IKBKB: variants seen among roughly 807,000 people sequenced by gnomAD.
IKBKB encodes the protein inhibitor of nuclear factor kappa B kinase subunit beta.
Under a neutral mutation model 113.6 loss-of-function variants are expected in IKBKB, and 42 were observed. The ratio of observed to expected loss-of-function variants is 0.37; its 90% CI spans 0.29 to 0.48. IKBKB has a LOEUF of 0.48. Among genes scored for constraint, IKBKB ranks in the 20% least tolerant of loss-of-function variants. The pLI is 0.99. For synonymous variants in IKBKB, 296 were observed against 361.3 expected, an observed-to-expected ratio of 0.82 and a Z score of 2.05; for missense variants, 673 against 939.7, an observed-to-expected ratio of 0.72 and a Z score of 3.71.
At position 42,331,090 on chromosome 8, in the gene IKBKB, G is replaced by A. The variant is rs903005550; in HGVS notation, c.*111G>A. The stretch of plus-strand genomic sequence containing the variant: ...CCTGGAGCAGGCCGCGTGACGTGGG[G>A]CTGCCTGGCCGCGGCTCTCACATGG... On this transcript the variant is annotated 3_prime_UTR_variant, in exon 22 of 22. Coordinates refer to ENST00000520810, the MANE Select transcript of IKBKB (RefSeq NM_001556.3). The A allele has an allele frequency of 6.5e-6, 10 of 1,536,158 alleles. No homozygotes were observed. The Admixed American group carries it at 7.2e-5, about 11-fold the overall frequency.
At chr8:42,296,383 G>C (rs1655383321) in intron 5 of IKBKB, among the ~76,000 whole-genome samples, 1 of 152,204 alleles carries the variant, frequency 6.6e-6, no homozygotes, top group Admixed American at 6.5e-5. Flanking sequence ...TATAATCCCA[G>C]CACTTTGGGA....
intron 2 of IKBKB, among the ~76,000 whole-genome samples, chr8:42,284,718 G>A (rs1331775621): frequency 6.6e-6 from 1 of 152,116 alleles, no homozygotes; most frequent in East Asian, 1.9e-4. Flanking sequence ...CCACAGAACT[G>A]GGCAAAAATG....
At chr8:42,310,802 C>T (rs1013265106) in intron 8 of IKBKB, among the ~76,000 whole-genome samples, 1 of 152,184 alleles carries the variant, frequency 6.6e-6, no homozygotes, top group Non-Finnish European at 1.5e-5. Flanking sequence ...AAATAGGTTA[C>T]TATAATCTTC....
At chr8:42,309,335 A>G (rs1388831425) in intron 8 of IKBKB, 1 of 424,252 alleles carries the variant, frequency 2.4e-6, no homozygotes, top group Non-Finnish European at 4.4e-6. Context: ...ACGCACTTAC[A>G]CTGAGAATGC....
intron 5 of IKBKB, among the ~76,000 whole-genome samples, chr8:42,295,848 C>G (rs559621329): frequency 4.3e-4 from 66 of 152,238 alleles, no homozygotes; most frequent in African/African-American, 1.5e-3. Flanking sequence ...TTCTTTTGGT[C>G]TGGGTCCACT....
chr8:42,288,250 G>C (rs559592336), intron 2 of IKBKB, among the ~76,000 whole-genome samples: 1 of 152,032 alleles, frequency 6.6e-6, no homozygotes, highest in East Asian at 1.9e-4. Context: ...TGCCAGGTGT[G>C]GTTGCGCATG....
chr8:42,329,772 A>G (rs1281071741), intron 21 of IKBKB: 1 of 985,322 alleles, frequency 1.0e-6, no homozygotes, highest in Non-Finnish European at 1.2e-6. Context: ...GCTTAGTGGT[A>G]GGTAGTACTA....
intron 2 of IKBKB, among the ~76,000 whole-genome samples, chr8:42,282,355 A>T (rs929047643): frequency 6.6e-6 from 1 of 152,120 alleles, no homozygotes; most frequent in Non-Finnish European, 1.5e-5. Flanking sequence ...GGCATCTACT[A>T]CTATGCCTGG....
At position 42,331,057 on chromosome 8, in the gene IKBKB, TG is replaced by T; in HGVS notation, c.*82del. 1 of 1,587,102 alleles carries T rather than the reference TG, an allele frequency of 6.3e-7. No individual in the cohort carries two copies. The highest frequency in any genetic ancestry group is 8.6e-7 in the Non-Finnish European group (1 of 1,167,054). ...AGTGGGGGGACTCGACCCCCTGACA[TG>T]GGGCTGCCTGGAGCAGGCCGCGTGA... is the stretch of plus-strand genomic sequence containing the variant. On this transcript the variant is annotated 3_prime_UTR_variant, in exon 22 of 22. Coordinates refer to ENST00000520810, the MANE Select transcript of IKBKB (RefSeq NM_001556.3).
At chr8:42,318,867 G>A (rs1401783302) in intron 13 of IKBKB, 192 bp downstream of exon 13, 18 of 583,420 alleles carry the variant, frequency 3.1e-5, no homozygotes, top group Non-Finnish European at 5.3e-5. Context: ...CTGGCGAGGT[G>A]AGTGTGGTTG....
chr8:42,286,918 G>A (rs752391765), intron 2 of IKBKB, among the ~76,000 whole-genome samples: 61 of 152,272 alleles, frequency 4.0e-4, no homozygotes, highest in African/African-American at 6.3e-4. Context: ...GTGTGTGTGC[G>A]GGTAGGGAGT....
intron 2 of IKBKB, among the ~76,000 whole-genome samples, chr8:42,278,003 A>G (rs1809530956): frequency 6.6e-6 from 1 of 152,234 alleles, no homozygotes; most frequent in South Asian, 2.1e-4. Flanking sequence ...ACTAATTATA[A>G]ATGTAAGCTC....
chr8:42,310,838 A>G (rs1163762934), intron 8 of IKBKB, among the ~76,000 whole-genome samples: 1 of 152,258 alleles, frequency 6.6e-6, no homozygotes, highest in Non-Finnish European at 1.5e-5. Context: ...CAAACTAGAT[A>G]TCAAAAATGC....
intron 2 of IKBKB, among the ~76,000 whole-genome samples, chr8:42,285,508 T>C (rs745876263): frequency 2.8e-4 from 43 of 152,214 alleles, no homozygotes; most frequent in Middle Eastern, 6.8e-3. Context: ...TGAGCTATGA[T>C]CACTCCACTG....
At chr8:42,271,798 G>C in intron 1 of IKBKB, 1 of 522,262 alleles carries the variant, frequency 1.9e-6, no homozygotes, top group Non-Finnish European at 3.3e-6. Context: ...GGTGGAGTCA[G>C]CTGGGGATCC....
chr8:42,310,836 A>G (rs926140615), intron 8 of IKBKB, among the ~76,000 whole-genome samples: 2 of 152,210 alleles, frequency 1.3e-5, no homozygotes, highest in African/African-American at 4.8e-5. Flanking sequence ...TTCAAACTAG[A>G]TATCAAAAAT....
rs200336072 is a variant in IKBKB at position 42,331,231 on chromosome 8, C to T, written c.*252C>T. Reference sequence around the variant, plus strand: ...GGACGCAGCCCTCCGTGGGCACTGCCGGCGCCTTGTCTGCACACTGGAGGT... The same window carrying T: ...GGACGCAGCCCTCCGTGGGCACTGCTGGCGCCTTGTCTGCACACTGGAGGT... On this transcript the variant is annotated 3_prime_UTR_variant, in exon 22 of 22. Transcript: ENST00000520810. The T allele has an allele frequency of 3.8e-5, 27 of 714,414 alleles. No homozygotes were observed. Among genetic ancestry groups the T allele is most frequent in the Admixed American group, 1.0e-4 (5 of 50,044 alleles). 44.3% of individuals were successfully genotyped at this position (714,414 alleles called of 1,614,324 possible).
intron 8 of IKBKB, among the ~76,000 whole-genome samples, chr8:42,310,626 C>T (rs557135126): frequency 6.6e-6 from 1 of 152,064 alleles, no homozygotes; most frequent in African/African-American, 2.4e-5. Flanking sequence ...TTTAATTACC[C>T]CCTCATTTTT....
intron 7 of IKBKB, among the ~76,000 whole-genome samples, chr8:42,308,268 CTT>C (rs75642735): frequency 9.8e-4 from 140 of 142,344 alleles, no homozygotes; most frequent in Middle Eastern, 3.7e-3. Flanking sequence ...TGCTGCAACC[CTT>C]TTTTTTTTTT....
Sources: allele counts gnomAD v4.1 joint callset (sites outside exome capture counted in the v4.1 genomes callset), GRCh38; gene constraint gnomAD v4.1.1; transcripts MANE v1.5; gene names NCBI Gene and HGNC (gene_info 2026-07-23, HGNC 2026-07-21).